The following ZNF599 variants were observed in gnomAD, a reference collection of about 807,000 sequenced individuals.
ZNF599 encodes zinc finger protein 599.
ZNF599 carries 10 observed loss-of-function variants against 11.7 expected under a neutral mutation model. The observed-to-expected ratio is 0.86, with a 90% confidence interval of 0.53 to 1.45. The LOEUF (loss-of-function observed/expected upper bound fraction) is 1.45, where lower values mean the gene tolerates loss of function less well. ZNF599 is among the 40% of genes most tolerant of loss of function. The pLI is 0.00. For missense variants in ZNF599, 688 were observed against 713.6 expected, an observed-to-expected ratio of 0.96 and a Z score of 0.41; for synonymous variants, 232 against 253.2, an observed-to-expected ratio of 0.92 and a Z score of 0.79.
intron 2 of ZNF599, 108 bp from the exon 3 acceptor site, chr19:34,767,519 A>C (rs947686848): frequency 7.7e-6 from 6 of 777,120 alleles, no homozygotes; most frequent in Non-Finnish European, 1.2e-5. Context: ...AAACCCCAGA[A>C]AGGGCCCTCC....
chr19:34,805,600 C>T, the ZNF599 span, among the ~76,000 whole-genome samples: 1 of 152,098 alleles, frequency 6.6e-6, no homozygotes, highest in African/African-American at 2.4e-5. Flanking sequence ...CAGATACCAC[C>T]AACACTTACT....
chr19:34,759,475 C>G lies in ZNF599; in HGVS notation c.1326G>C (p.Met442Ile). 1 of 1,614,100 alleles carries G rather than the reference C, an allele frequency of 6.2e-7. No homozygotes were observed. The highest frequency in any genetic ancestry group is 8.5e-7 in the Non-Finnish European group (1 of 1,179,988). The change falls in exon 4 of 4, where the codon ATG (methionine) becomes ATC (isoleucine). Residue 442 changes from methionine to isoleucine, a missense_variant. Transcript: ENST00000329285. ...AAGGCTTCTCACCAGTGTGAATCCTCATATGTTGAATTAAGGAAGAGCTGT... is the reference window on the plus strand; with the variant it reads ...AAGGCTTCTCACCAGTGTGAATCCTGATATGTTGAATTAAGGAAGAGCTGT... Reference protein sequence around the residue: ...FCDSSSLIQHMRIHTGEKPYE... With the variant: ...FCDSSSLIQHIRIHTGEKPYE...
At chr19:34,807,539 C>T in the ZNF599 span, among the ~76,000 whole-genome samples, 1 of 152,210 alleles carries the variant, frequency 6.6e-6, no homozygotes, top group African/African-American at 2.4e-5. Context: ...ACCCAGCCCT[C>T]TGTAGTTTCT....
the ZNF599 span, among the ~76,000 whole-genome samples, chr19:34,796,063 C>T: frequency 3.9e-4 from 60 of 152,014 alleles, no homozygotes; most frequent in Admixed American, 9.8e-4. Flanking sequence ...TCAGGTGATC[C>T]GCCCGCCTCA....
chr19:34,779,362 A>T, the ZNF599 span: 1 of 357,518 alleles, frequency 2.8e-6, no homozygotes, highest in Non-Finnish European at 5.5e-6. Flanking sequence ...TGGCCACCCT[A>T]ACTGCTGGGA....
intron 1 of ZNF599, chr19:34,772,615 G>T: frequency 2.2e-6 from 3 of 1,365,404 alleles, no homozygotes; most frequent in Non-Finnish European, 2.8e-6. Context: ...CAGAGACAGG[G>T]ACCTCTCCTT....
At chr19:34,791,022 C>T in the ZNF599 span, among the ~76,000 whole-genome samples, 1 of 152,162 alleles carries the variant, frequency 6.6e-6, no homozygotes, top group Non-Finnish European at 1.5e-5. Context: ...CAGGCATTAC[C>T]TTATACAGTT....
At chr19:34,768,906 C>A (rs998350925) in intron 2 of ZNF599, among the ~76,000 whole-genome samples, 1 of 152,206 alleles carries the variant, frequency 6.6e-6, no homozygotes, top group African/African-American at 2.4e-5. Context: ...TTTCCATAAT[C>A]ATAATCATCT....
chr19:34,773,954 T>C (rs1568496114), upstream of ZNF599, among the ~76,000 whole-genome samples: 1 of 152,228 alleles, frequency 6.6e-6, no homozygotes, highest in Non-Finnish European at 1.5e-5. Flanking sequence ...GGGTCTGAGA[T>C]ACTTCTTTGC....
At chr19:34,779,441 A>C in the ZNF599 span, 1 of 455,988 alleles carries the variant, frequency 2.2e-6, no homozygotes, top group South Asian at 1.6e-5. Flanking sequence ...GAAAACTTTC[A>C]TCAGAGTGAA....
chr19:34,784,347 C>A, the ZNF599 span, among the ~76,000 whole-genome samples: 3 of 152,130 alleles, frequency 2.0e-5, no homozygotes, highest in Non-Finnish European at 2.9e-5. Context: ...TAAGATGCAC[C>A]CTCGGGATCT....
rs774523641 is a variant in ZNF599, at chr19:34,760,572, C to T, written c.242-13G>A. On this transcript the variant is annotated splice_polypyrimidine_tract_variant and intron_variant, in intron 3 of 3. Transcript: ENST00000329285. ...TTTGCTTTTTCACCTGAAGGAAATC[C>T]AATATAAAAAAAACTGAACATTAGT... is the stretch of plus-strand genomic sequence containing the variant. The T allele has an allele frequency of 3.3e-5, 52 of 1,572,692 alleles. No individual in the cohort carries two copies. The highest frequency in any genetic ancestry group is 3.3e-5 in the Non-Finnish European group (38 of 1,164,892).
chr19:34,779,386 C>A, the ZNF599 span: 1 of 421,406 alleles, frequency 2.4e-6, no homozygotes, highest in South Asian at 1.7e-5. Flanking sequence ...CAGGTGTGAG[C>A]CATCATGCCC....
the ZNF599 span, chr19:34,779,695 G>A: frequency 6.5e-6 from 2 of 307,246 alleles, no homozygotes; most frequent in Admixed American, 9.1e-5. Flanking sequence ...GCTGTTGAAA[G>A]GGTTTAATTT....
At chr19:34,777,332 ATATATTAATATATTATATATT>A, upstream of ZNF599, among the ~76,000 whole-genome samples, 1 of 47,208 alleles carries the variant, frequency 2.1e-5, no homozygotes, top group Non-Finnish European at 3.8e-5. Flanking sequence ...ATTATATATT[ATATATTAATATATTATATATT>A]ATATATTAAT....
the ZNF599 span, among the ~76,000 whole-genome samples, chr19:34,778,750 A>G: frequency 6.6e-6 from 1 of 152,214 alleles, no homozygotes; most frequent in African/African-American, 2.4e-5. Flanking sequence ...AACTTAGCAA[A>G]CAAGTCACTA....
intron 1 of ZNF599, chr19:34,772,290 C>T (rs2069187870): frequency 1.0e-6 from 1 of 984,006 alleles, no homozygotes; most frequent in Non-Finnish European, 1.2e-6. Context: ...ATCCAATGAG[C>T]TTCTTGTCTT....
In ZNF599 at chr19:34,759,705, G is replaced by T; in HGVS notation, c.1096C>A (p.Pro366Thr). Residue 366 changes from proline (P) to threonine (T), a missense_variant, in exon 4 of 4, where the codon CCA becomes ACA. Coordinates refer to ENST00000329285, the MANE Select transcript of ZNF599 (RefSeq NM_001007248.3). ...TTTCCACATTCTTTACATAAAAATG[G>T]TTTTTCTCCTGTGTGGGTCACATTG... ...QHNVTHTGEK[P>T]FLCKECGKTF... 1 of 1,614,118 alleles carries T rather than the reference G, an allele frequency of 6.2e-7. No homozygotes were observed. Among genetic ancestry groups the T allele is most frequent in the Non-Finnish European group, 8.5e-7 (1 of 1,180,026 alleles).
chr19:34,765,343 G>A (rs1011362090), intron 3 of ZNF599: 25 of 538,978 alleles, frequency 4.6e-5, no homozygotes, highest in South Asian at 1.9e-4. Context: ...TGGAACATCC[G>A]TCTTGCTGGA....
Sources: gnomAD v4.1 joint callset for allele counts (sites outside exome capture counted in the v4.1 genomes callset) on GRCh38, gnomAD v4.1.1 for gene constraint, MANE v1.5 for transcripts, NCBI Gene and HGNC (gene_info 2026-07-23, HGNC 2026-07-21) for gene names.